FSTL5: variants seen among roughly 807,000 people sequenced by gnomAD.
The protein encoded by FSTL5 is follistatin-related protein 5.
FSTL5 carries 62 observed loss-of-function variants against 89.1 expected under a neutral mutation model. The observed-to-expected ratio is 0.70, with a 90% CI of 0.57 to 0.86. The LOEUF (loss-of-function observed/expected upper bound fraction) is 0.86, where lower values mean the gene tolerates loss of function less well. FSTL5 is among the 40% of genes least tolerant of loss of function. The pLI, the probability that FSTL5 is intolerant of heterozygous loss-of-function variation, is 0.00. For synonymous variants in FSTL5, 383 were observed against 346.2 expected (o/e 1.11, Z -1.18); for missense variants, 1,057 against 1,001.6 (o/e 1.06, Z -0.75).
chr4:162,154,435 G>C (rs1482041063), intron 1 of FSTL5, among the ~76,000 whole-genome samples: 1 of 152,060 alleles, frequency 6.6e-6, no homozygotes, highest in Non-Finnish European at 1.5e-5. Flanking sequence ...TATATTTCTT[G>C]CACTTTTCCT....
intron 2 of FSTL5, among the ~76,000 whole-genome samples, chr4:162,043,761 T>C (rs373660396): frequency 6.6e-6 from 1 of 152,212 alleles, no homozygotes; most frequent in Non-Finnish European, 1.5e-5. Flanking sequence ...AAACCCTTTG[T>C]TGTCATTTCA....
At chr4:161,814,407 C>T (rs1185329492) in intron 4 of FSTL5, among the ~76,000 whole-genome samples, 1 of 152,150 alleles carries the variant, frequency 6.6e-6, no homozygotes, top group African/African-American at 2.4e-5. Flanking sequence ...TTCTTGAGCT[C>T]AGTTCTTGAT....
intron 2 of FSTL5, among the ~76,000 whole-genome samples, chr4:162,048,826 T>C (rs1738290491): frequency 6.6e-6 from 1 of 152,138 alleles, no homozygotes; most frequent in Non-Finnish European, 1.5e-5. Flanking sequence ...CTCTTGGAGT[T>C]ATGGGGTTCC....
At chr4:162,096,268 A>C (rs1036219341) in intron 2 of FSTL5, among the ~76,000 whole-genome samples, 2 of 151,936 alleles carry the variant, frequency 1.3e-5, no homozygotes, top group African/African-American at 4.8e-5. Flanking sequence ...ACCATCTGAA[A>C]TCAAAATTCA....
intron 7 of FSTL5, among the ~76,000 whole-genome samples, chr4:161,640,270 T>G (rs1735904101): frequency 6.6e-6 from 1 of 152,106 alleles, no homozygotes; most frequent in Admixed American, 6.6e-5. Flanking sequence ...TTAACATGTA[T>G]ATGAAGAAAT....
At chr4:161,740,367 T>C (rs1234665121) in intron 6 of FSTL5, among the ~76,000 whole-genome samples, 2 of 152,106 alleles carry the variant, frequency 1.3e-5, no homozygotes, top group Non-Finnish European at 2.9e-5. Context: ...AATATTCTAA[T>C]TGTTTATGGA....
At chr4:161,691,384 G>T (rs1737934999) in intron 6 of FSTL5, among the ~76,000 whole-genome samples, 1 of 151,932 alleles carries the variant, frequency 6.6e-6, no homozygotes, top group South Asian at 2.1e-4. Context: ...TAATTATATT[G>T]CATTGTTCTA....
At chr4:161,978,515 C>T (rs958811126) in intron 3 of FSTL5, among the ~76,000 whole-genome samples, 1 of 151,996 alleles carries the variant, frequency 6.6e-6, no homozygotes, top group Admixed American at 6.6e-5. Flanking sequence ...TTAAATTTAA[C>T]ATTTTATCAA....
In FSTL5 at chr4:161,669,122, A is replaced by AT. The variant is rs1553956613; in HGVS notation, c.728-12629_728-12628insA. Among the ~76,000 whole-genome samples the AT allele has an allele frequency of 4.9e-4, 73 of 149,538 alleles. No individual in the cohort carries two copies. In the East Asian group the frequency reaches 8.6e-3, roughly 18 times the overall value. ...GTGAGACTCTGTCTCAAAAAAAAAA[A>AT]AAAAATAAAATAAAATAAAAGAAAA... is the stretch of plus-strand genomic sequence containing the variant. On this transcript the variant is annotated intron_variant, in intron 6 of 15. Coordinates refer to ENST00000306100, the MANE Select transcript of FSTL5 (RefSeq NM_020116.5).
chr4:161,453,394 C>A (rs570424440), intron 15 of FSTL5, among the ~76,000 whole-genome samples: 3 of 151,958 alleles, frequency 2.0e-5, no homozygotes, highest in Admixed American at 2.0e-4. Flanking sequence ...CACCAATTGC[C>A]AATTACATTA....
intron 6 of FSTL5, among the ~76,000 whole-genome samples, chr4:161,736,184 G>A (rs1049709501): frequency 6.6e-6 from 1 of 152,064 alleles, no homozygotes; most frequent in African/African-American, 2.4e-5. Context: ...TTTGATTACA[G>A]AATGTTATTT....
chr4:161,485,757 G>C (rs1412344457), intron 12 of FSTL5, among the ~76,000 whole-genome samples: 1 of 152,068 alleles, frequency 6.6e-6, no homozygotes, highest in Non-Finnish European at 1.5e-5. Flanking sequence ...TAGTTTATAT[G>C]TCAAATATCT....
intron 3 of FSTL5, among the ~76,000 whole-genome samples, chr4:161,983,345 A>G (rs1735877679): frequency 4.6e-5 from 7 of 152,094 alleles, no homozygotes; most frequent in Admixed American, 4.6e-4. Context: ...AGACAGCAAA[A>G]TTTGCATGTA....
Position 161,474,840 on chromosome 4 carries a change from C to T in FSTL5, c.1608+6180G>A, listed in dbSNP as rs116122082. Among the ~76,000 whole-genome samples, 571 of 152,168 alleles carry T rather than the reference C, an allele frequency of 3.8e-3. 2 individuals are homozygous for T. Among genetic ancestry groups the T allele is most frequent in the African/African-American group, 0.012 (513 of 41,518 alleles). On this transcript the variant is annotated intron_variant, in intron 13 of 15. Transcript: ENST00000306100. Reference sequence around the variant, plus strand: ...GATTACAGGCATGAGTCACTGTGCTCGGCCTGTGTAGTGTTTTGGTTTATT... The same window carrying T: ...GATTACAGGCATGAGTCACTGTGCTTGGCCTGTGTAGTGTTTTGGTTTATT...
At chr4:161,604,147 G>A (rs1734353651) in intron 7 of FSTL5, among the ~76,000 whole-genome samples, 1 of 151,756 alleles carries the variant, frequency 6.6e-6, no homozygotes, top group Admixed American at 6.6e-5. Context: ...TGTTCATTTT[G>A]ATAATCATCT....
At chr4:162,049,658 C>T (rs1468465941) in intron 2 of FSTL5, among the ~76,000 whole-genome samples, 7 of 151,916 alleles carry the variant, frequency 4.6e-5, no homozygotes, top group Admixed American at 3.9e-4. Flanking sequence ...TCTGCCATGC[C>T]GCTAAAAAGG....
At chr4:161,434,377 C>A (rs116438511) in intron 15 of FSTL5, among the ~76,000 whole-genome samples, 14,222 of 152,044 alleles carry the variant, frequency 0.094, 802 homozygotes, top group East Asian at 0.27. Flanking sequence ...AAATTAGACC[C>A]CCATCTCTTG....
chr4:161,723,285 A>T (rs1739279212), intron 6 of FSTL5, among the ~76,000 whole-genome samples: 1 of 152,192 alleles, frequency 6.6e-6, no homozygotes, highest in South Asian at 2.1e-4. Flanking sequence ...CTAATAAGAA[A>T]TTTGTTGTCA....
At chr4:161,643,318 T>A (rs1736032559) in intron 7 of FSTL5, among the ~76,000 whole-genome samples, 1 of 152,172 alleles carries the variant, frequency 6.6e-6, no homozygotes, top group South Asian at 2.1e-4. Flanking sequence ...CTGGGAACAC[T>A]CTTTCACCTG....
Sources: gnomAD v4.1 joint callset for allele counts (sites outside exome capture counted in the v4.1 genomes callset) on GRCh38, gnomAD v4.1.1 for gene constraint, MANE v1.5 for transcripts, NCBI Gene and HGNC (gene_info 2026-07-23, HGNC 2026-07-21) for gene names.